Variants in RALGPS1 observed in about 807,000 individuals in gnomAD.
RALGPS1 encodes Ral GEF with PH domain and SH3 binding motif 1.
In RALGPS1, 19 loss-of-function variants were observed where a neutral mutation model predicts 78.8. The ratio of observed to expected loss-of-function variants is 0.24; its 90% CI spans 0.17 to 0.35. The LOEUF is 0.35. Ranked by LOEUF, RALGPS1 falls within the 10% of genes least tolerant of loss-of-function variation. The probability of loss-of-function intolerance (pLI) is 1.00; values close to 1 mark genes in which losing one functional copy is unlikely to be tolerated. For missense variants in RALGPS1, 454 were observed against 688.3 expected (o/e 0.66, Z 3.81); for synonymous variants, 228 against 256.3 (o/e 0.89, Z 1.06).
In RALGPS1 at chr9:126,958,138, A is replaced by T. The variant is rs1387966727; in HGVS notation, c.-65-4087A>T. ...AGAGCTGTCTCTTTAAAAAAAAAAA[A>T]AAAAATATATATATATATATACACA... On this transcript the variant is annotated intron_variant, in intron 1 of 18. Coordinates refer to ENST00000259351, the MANE Select transcript of RALGPS1 (RefSeq NM_014636.3). Among the ~76,000 whole-genome samples, 214 of 86,356 alleles carry T rather than the reference A, an allele frequency of 2.5e-3. 2 individuals are homozygous for T. The highest frequency in any genetic ancestry group is 6.5e-3 in the African/African-American group (199 of 30,414). The allele number at this position is 86,356 out of a possible 152,430, so 56.7% of individuals were successfully genotyped here.
intron 8 of RALGPS1, among the ~76,000 whole-genome samples, chr9:127,152,485 G>A (rs1057417737): frequency 1.3e-5 from 2 of 152,140 alleles, no homozygotes; most frequent in Non-Finnish European, 1.5e-5. Flanking sequence ...GAACCCCTCC[G>A]ATCAGCTCCT....
chr9:127,074,006 C>T (rs556623731), intron 8 of RALGPS1, among the ~76,000 whole-genome samples: 18 of 152,216 alleles, frequency 1.2e-4, no homozygotes, highest in South Asian at 2.1e-4. Context: ...CTCAGCCTTC[C>T]GAGTAGCTGG....
chr9:127,185,525 G>A (rs916251867), intron 11 of RALGPS1, among the ~76,000 whole-genome samples: 2 of 152,222 alleles, frequency 1.3e-5, no homozygotes, highest in African/African-American at 4.8e-5. Flanking sequence ...GATAGCAACA[G>A]TATTTGCATG....
At chr9:126,927,623 T>C (rs2131011387) in intron 1 of RALGPS1, among the ~76,000 whole-genome samples, 1 of 152,324 alleles carries the variant, frequency 6.6e-6, no homozygotes, top group South Asian at 2.1e-4. Context: ...AGAGGCTGTT[T>C]GCTGCAGACA....
intron 8 of RALGPS1, chr9:127,089,175 G>A (rs1344083278): frequency 1.2e-6 from 2 of 1,608,688 alleles, no homozygotes; most frequent in East Asian, 4.5e-5. Context: ...TGTCTGGGAG[G>A]AGGCCATTCT....
At chr9:127,107,916 C>T (rs145108712) in intron 8 of RALGPS1, 14 of 1,529,402 alleles carry the variant, frequency 9.2e-6, no homozygotes, top group African/African-American at 2.8e-5. Flanking sequence ...AGCACTTACC[C>T]GACGGCTTGT....
chr9:127,183,292 T>C lies in RALGPS1; in HGVS notation c.910+8510T>C, dbSNP rs2060404294. 6.6e-6 allele frequency among the ~76,000 whole-genome samples: 1 copy of C among 152,214 alleles called. No homozygotes were observed. The highest frequency in any genetic ancestry group is 2.4e-5 in the African/African-American group (1 of 41,450). On this transcript the variant is annotated intron_variant, in intron 11 of 18. Transcript: ENST00000259351. This position sits in a 1 kb window ranked among gnomAD's most constrained non-coding sequence, Gnocchi z 4.0. ...ATGCTTCTTCTCCCAGGCACTTCCG[T>C]GGGTATTTCAGAGATTCCACAAGTC...
chr9:126,982,805 CTTCT>C (rs1451204117), intron 4 of RALGPS1, among the ~76,000 whole-genome samples: 2 of 143,684 alleles, frequency 1.4e-5, no homozygotes, highest in East Asian at 2.2e-4. Flanking sequence ...CTTCTTCTTC[CTTCT>C]TTCTTCCTCC....
intron 11 of RALGPS1, among the ~76,000 whole-genome samples, chr9:127,175,839 G>A (rs1458329753): frequency 6.6e-6 from 1 of 152,074 alleles, no homozygotes; most frequent in Non-Finnish European, 1.5e-5. Flanking sequence ...GCTGCTACGT[G>A]GTGCCACACC....
intron 8 of RALGPS1, among the ~76,000 whole-genome samples, chr9:127,112,641 T>A (rs1272986849): frequency 6.6e-6 from 1 of 152,252 alleles, no homozygotes; most frequent in Non-Finnish European, 1.5e-5. Flanking sequence ...AAAGGCTGAG[T>A]CTTTTCTGTG....
chr9:126,952,679 GTC>G lies in RALGPS1; in HGVS notation c.-65-9544_-65-9543del, dbSNP rs1491056773. On this transcript the variant is annotated intron_variant, in intron 1 of 18. Coordinates refer to ENST00000259351, the MANE Select transcript of RALGPS1 (RefSeq NM_014636.3). The stretch of plus-strand genomic sequence containing the variant: ...AGAGTGTGTGTGTGTGTGTGTGTGT[GTC>G]TGTGTGTCTGTGTGTCTGTGCGCAT... 3.1e-3 allele frequency among the ~76,000 whole-genome samples: 334 copies of G among 108,148 alleles called. 1 individual carries two copies. Among genetic ancestry groups the G allele is most frequent in the East Asian group, 0.011 (22 of 1,928 alleles). 70.9% of individuals were successfully genotyped at this position (108,148 alleles called of 152,430 possible).
At chr9:127,171,569 G>A (rs2059567029) in intron 10 of RALGPS1, among the ~76,000 whole-genome samples, 1 of 152,208 alleles carries the variant, frequency 6.6e-6, no homozygotes, top group Admixed American at 6.5e-5. Flanking sequence ...AGAACAGCCT[G>A]ACCAACATGG....
intron 4 of RALGPS1, among the ~76,000 whole-genome samples, chr9:127,003,469 G>T (rs528092444): frequency 6.6e-6 from 1 of 152,074 alleles, no homozygotes; most frequent in African/African-American, 2.4e-5. Context: ...ATCATCACTG[G>T]CCATCAGAGA....
At chr9:127,163,297 AT>A (rs201208338) in intron 8 of RALGPS1, among the ~76,000 whole-genome samples, 5 of 151,520 alleles carry the variant, frequency 3.3e-5, no homozygotes, top group Non-Finnish European at 7.4e-5. Flanking sequence ...ACTGAGTTAC[AT>A]TTTTTTTTAA....
chr9:127,196,836 A>T (rs962886087), intron 13 of RALGPS1, among the ~76,000 whole-genome samples: 1 of 152,200 alleles, frequency 6.6e-6, no homozygotes, highest in Admixed American at 6.5e-5. Context: ...CGTGGGCTTC[A>T]TGAAGAGCCC....
intron 8 of RALGPS1, among the ~76,000 whole-genome samples, chr9:127,153,691 T>C (rs879508087): frequency 3.3e-5 from 5 of 152,202 alleles, no homozygotes; most frequent in Non-Finnish European, 5.9e-5. Context: ...CTTCTTCTAA[T>C]TGGTCAGCAG....
intron 14 of RALGPS1, among the ~76,000 whole-genome samples, chr9:127,207,022 G>A (rs2140939594): frequency 6.6e-6 from 1 of 152,202 alleles, no homozygotes; most frequent in South Asian, 2.1e-4. Flanking sequence ...CTACCTCACA[G>A]TGTTATATGA....
At chr9:127,046,961 A>G (rs1023599317) in intron 5 of RALGPS1, among the ~76,000 whole-genome samples, 5 of 151,506 alleles carry the variant, frequency 3.3e-5, no homozygotes, top group African/African-American at 1.2e-4. Flanking sequence ...TGAAACTGTG[A>G]AATACCATTT....
At chr9:127,111,269 C>T (rs1380192704) in intron 8 of RALGPS1, among the ~76,000 whole-genome samples, 1 of 152,194 alleles carries the variant, frequency 6.6e-6, no homozygotes, top group East Asian at 1.9e-4. Context: ...CAGTTAGACC[C>T]TCCCTGCTGA....
Sources: allele counts gnomAD v4.1 joint callset (sites outside exome capture counted in the v4.1 genomes callset), GRCh38; gene constraint gnomAD v4.1.1; non-coding constraint Gnocchi (gnomAD v3.1); transcripts MANE v1.5; gene names NCBI Gene and HGNC (gene_info 2026-07-23, HGNC 2026-07-21).